The following NEK5 variants were observed in gnomAD, a reference collection of about 807,000 sequenced individuals.
The protein encoded by NEK5 is serine/threonine-protein kinase Nek5.
A neutral mutation model predicts 109.2 loss-of-function variants in NEK5; 88 were observed. That is an observed-to-expected ratio of 0.81 (90% CI 0.68 to 0.96). The LOEUF is 0.96. NEK5 is among the 40% of genes least tolerant of loss of function. The pLI, the probability that NEK5 is intolerant of heterozygous loss-of-function variation, is 0.00. For synonymous variants in NEK5, 283 were observed against 299.9 expected, an observed-to-expected ratio of 0.94 and a Z score of 0.58; for missense variants, 834 against 920.7, an observed-to-expected ratio of 0.91 and a Z score of 1.22.
chr13:52,043,568 G>C (rs1488652327), intron 23 of NEK5, among the ~76,000 whole-genome samples: 1 of 146,216 alleles, frequency 6.8e-6, no homozygotes, highest in Non-Finnish European at 1.5e-5. Context: ...AAAAGAAAAA[G>C]AAAAGAAAAA....
At chr13:52,081,635 C>A (rs1275836580) in intron 17 of NEK5, among the ~76,000 whole-genome samples, 1 of 152,324 alleles carries the variant, frequency 6.6e-6, no homozygotes, top group South Asian at 2.1e-4. Flanking sequence ...TTCCTACTCA[C>A]ACCAATCCAG....
At chr13:52,063,205 C>A (rs989522971) in intron 21 of NEK5, among the ~76,000 whole-genome samples, 6 of 152,190 alleles carry the variant, frequency 3.9e-5, no homozygotes, top group African/African-American at 1.4e-4. Flanking sequence ...GCCGAGTGCC[C>A]GTGATTACAG....
intron 7 of NEK5, among the ~76,000 whole-genome samples, chr13:52,109,569 G>T (rs971523487): frequency 1.3e-5 from 2 of 151,996 alleles, no homozygotes; most frequent in Non-Finnish European, 2.9e-5. Context: ...TCCTGATCCA[G>T]GAAAAAGTTA....
intron 17 of NEK5, among the ~76,000 whole-genome samples, chr13:52,077,663 C>A (rs571436696): frequency 2.8e-4 from 43 of 152,328 alleles, no homozygotes; most frequent in African/African-American, 9.9e-4. Context: ...TGCGACCATT[C>A]TGGAACACCA....
At chr13:52,049,424 AAAT>A (rs545167509) in intron 23 of NEK5, among the ~76,000 whole-genome samples, 7 of 151,512 alleles carry the variant, frequency 4.6e-5, no homozygotes, top group African/African-American at 4.8e-5. Context: ...GCTCTGTCTC[AAAT>A]AATAATAATA....
chr13:52,050,025 G>C, intron 23 of NEK5, 79 bp downstream of exon 23: 1 of 380,388 alleles, frequency 2.6e-6, no homozygotes, highest in Non-Finnish European at 3.6e-6. Context: ...GTCTCAGTTG[G>C]CTATTTTGAA....
intron 16 of NEK5, among the ~76,000 whole-genome samples, chr13:52,085,182 C>G (rs764871343): frequency 2.6e-5 from 4 of 152,198 alleles, no homozygotes; most frequent in African/African-American, 4.8e-5. Flanking sequence ...GTGAGTAAGT[C>G]TCACAAGATC....
Position 52,041,728 on chromosome 13 carries a change from C to CAAAAAAAAA in NEK5, c.2229-4519_2229-4511dup, listed in dbSNP as rs60216367. ...GGGCAACAAGAGCGAAACTCTGTCT[C>CAAAAAAAAA]AAAAAAAAAAAAAAAAAAAAAAAAA... On this transcript the variant is annotated intron_variant, in intron 23 of 23. Transcript: ENST00000684899. 2.3e-3 allele frequency among the ~76,000 whole-genome samples: 109 copies of CAAAAAAAAA among 48,110 alleles called. 3 individuals are homozygous for CAAAAAAAAA. The highest frequency in any genetic ancestry group is 0.01 in the African/African-American group (106 of 10,420). 31.6% of individuals were successfully genotyped at this position (48,110 alleles called of 152,430 possible). A position where few individuals can be genotyped will look rare whatever the true frequency, so the allele number is the denominator to read the frequency against.
intron 8 of NEK5, 104 bp downstream of exon 8, chr13:52,108,214 C>T (rs892086355): frequency 2.8e-6 from 2 of 701,828 alleles, no homozygotes; most frequent in Non-Finnish European, 4.9e-6. Flanking sequence ...ACAAAAGTAC[C>T]ATAAGAAAGA....
chr13:52,107,295 A>T (rs4941725), intron 8 of NEK5, among the ~76,000 whole-genome samples: 3,236 of 152,246 alleles, frequency 0.021, 84 homozygotes, highest in Admixed American at 0.084. Flanking sequence ...ATTAAAAGCT[A>T]AAAAAGCCAG....
At chr13:52,060,754 T>C (rs1954607166) in intron 22 of NEK5, among the ~76,000 whole-genome samples, 1 of 152,232 alleles carries the variant, frequency 6.6e-6, no homozygotes, top group Non-Finnish European at 1.5e-5. Context: ...CTCACACTCA[T>C]GCAGATGCTC....
chr13:52,043,572 A>AG (rs1473825641), intron 23 of NEK5, among the ~76,000 whole-genome samples: 1 of 151,614 alleles, frequency 6.6e-6, no homozygotes, highest in East Asian at 1.9e-4. Flanking sequence ...GAAAAAGAAA[A>AG]GAAAAAAAAG....
chr13:52,046,924 A>T (rs1954464226), intron 23 of NEK5, among the ~76,000 whole-genome samples: 1 of 152,198 alleles, frequency 6.6e-6, no homozygotes, highest in South Asian at 2.1e-4. Flanking sequence ...CAATGTTAAT[A>T]CCCAAATTTT....
In NEK5 at chr13:52,103,290, G is replaced by T. The variant is rs1201613995; in HGVS notation, c.610-998C>A. Among the ~76,000 whole-genome samples, 3 of 152,332 alleles carry T rather than the reference G, an allele frequency of 2.0e-5. 1 individual carries two copies. In the South Asian group the frequency reaches 6.2e-4, roughly 32 times the overall value. ...CTAAAAATACAAAAAAATTAGCCGGGTGTGGTGGTGGGTGCCTGTAATCCC... is the reference window on the plus strand; with the variant it reads ...CTAAAAATACAAAAAAATTAGCCGGTTGTGGTGGTGGGTGCCTGTAATCCC... On this transcript the variant is annotated intron_variant, in intron 9 of 23. Transcript: ENST00000684899.
chr13:52,075,671 G>A (rs1954853874), intron 19 of NEK5, 87 bp downstream of exon 19: 6 of 835,834 alleles, frequency 7.2e-6, no homozygotes, highest in Non-Finnish European at 1.1e-5. Context: ...TATCCCTACA[G>A]CCTGTGAAAT....
intron 16 of NEK5, among the ~76,000 whole-genome samples, chr13:52,085,501 AAGAG>A (rs960732084): frequency 9.2e-5 from 14 of 151,926 alleles, no homozygotes; most frequent in African/African-American, 3.1e-4. Context: ...CGGTGGGAGA[AAGAG>A]AGAGAGAGAT....
intron 7 of NEK5, among the ~76,000 whole-genome samples, chr13:52,110,111 T>C (rs1476093068): frequency 2.0e-5 from 3 of 152,188 alleles, no homozygotes; most frequent in Admixed American, 1.3e-4. Context: ...ACATCCATAT[T>C]TGAGAAACTG....
At chr13:52,050,273 T>C in intron 22 of NEK5, 52 bp from the exon 23 acceptor site, 1 of 602,088 alleles carries the variant, frequency 1.7e-6, no homozygotes, top group Non-Finnish European at 2.1e-6. Flanking sequence ...ATATACCCAA[T>C]GAGGGGCATA....
In NEK5 at chr13:52,065,507, GA is replaced by G; in HGVS notation, c.1951del (p.Ser651ProfsTer14). ...LQMMAVADIT[S>X]TCPTGPDNGQ... is the part of the protein sequence containing the mutation. ...ACTGTCAGGCCCCGTGGGGCAGGTGGAGGTGATGTCGGCCACTGCCATCATC... is the reference window on the plus strand; with the variant it reads ...ACTGTCAGGCCCCGTGGGGCAGGTGGGGTGATGTCGGCCACTGCCATCATC... On this transcript the variant is annotated frameshift_variant, in exon 21 of 24. Transcript: ENST00000684899. LOFTEE classifies it high-confidence loss of function. The G allele has an allele frequency of 6.2e-7, 1 of 1,613,786 alleles. No individual in the cohort carries two copies. The highest frequency in any genetic ancestry group is 8.5e-7 in the Non-Finnish European group (1 of 1,179,640).
Sources: allele counts gnomAD v4.1 joint callset (sites outside exome capture counted in the v4.1 genomes callset), GRCh38; gene constraint gnomAD v4.1.1; transcripts MANE v1.5; gene names NCBI Gene and HGNC (gene_info 2026-07-23, HGNC 2026-07-21).